Variants in PADI4 observed in about 807,000 individuals in gnomAD.
PADI4 encodes peptidyl arginine deiminase 4.
Under a neutral mutation model 75.0 loss-of-function variants are expected in PADI4, and 62 were observed. The observed-to-expected ratio is 0.83, with a 90% CI of 0.67 to 1.02. The LOEUF (loss-of-function observed/expected upper bound fraction) is 1.02, where lower values mean the gene tolerates loss of function less well. Among genes scored for constraint, PADI4 ranks in the 50% least tolerant of loss-of-function variants. PADI4 has a pLI of 0.00. For synonymous variants in PADI4, 361 were observed against 348.1 expected (o/e 1.04, Z -0.41); for missense variants, 845 against 850.5 (o/e 0.99, Z 0.08).
chr1:17,329,419 T>A (rs1297781830), intron 1 of PADI4, among the ~76,000 whole-genome samples: 1 of 152,086 alleles, frequency 6.6e-6, no homozygotes, highest in African/African-American at 2.4e-5. Context: ...ACCAGTAACA[T>A]AAACAGTTGA....
At chr1:17,334,456 C>T (rs887770504) in intron 3 of PADI4, 21 of 449,608 alleles carry the variant, frequency 4.7e-5, no homozygotes, top group African/African-American at 4.2e-4. Flanking sequence ...GCGCTTGCCA[C>T]CACGCCTGGC....
intron 1 of PADI4, among the ~76,000 whole-genome samples, chr1:17,318,681 AT>A (rs1332668301): frequency 0.013 from 1,701 of 133,130 alleles, 39 homozygotes; most frequent in African/African-American, 0.044. Flanking sequence ...TGGCATGCTG[AT>A]TTTTTTTCTT....
intron 8 of PADI4, among the ~76,000 whole-genome samples, chr1:17,343,611 G>A (rs779866143): frequency 4.6e-5 from 7 of 152,270 alleles, no homozygotes; most frequent in Admixed American, 6.5e-5. Flanking sequence ...CAATTCCCAC[G>A]TGTTCTGGGA....
intron 1 of PADI4, among the ~76,000 whole-genome samples, chr1:17,326,157 T>C (rs2074114576): frequency 6.6e-6 from 1 of 152,228 alleles, no homozygotes; most frequent in African/African-American, 2.4e-5. Flanking sequence ...CCTAATATTT[T>C]TTCTCTTGAT....
rs2073711702 is a variant in PADI4 at position 17,308,435 on chromosome 1, C to T, written c.92+121C>T. ...TAGGCTCCAGCCTCTGCAGCCACTGCCAGGGGAGTAGCTGGAGAGAGAAGA... is the reference window on the plus strand; with the variant it reads ...TAGGCTCCAGCCTCTGCAGCCACTGTCAGGGGAGTAGCTGGAGAGAGAAGA... On this transcript the variant is annotated intron_variant, in intron 1 of 15. Coordinates refer to ENST00000375448, the MANE Select transcript of PADI4 (RefSeq NM_012387.3). 11 of 735,646 alleles carry T rather than the reference C, an allele frequency of 1.5e-5. No individual in the cohort carries two copies. The Admixed American group carries it at 2.5e-4, about 17-fold the overall frequency. 45.6% of individuals were successfully genotyped at this position (735,646 alleles called of 1,614,324 possible).
rs143898107 is a variant in PADI4, at chr1:17,320,517, A to G, written c.93-10452A>G. Among the ~76,000 whole-genome samples the G allele has an allele frequency of 5.5e-3, 840 of 152,328 alleles. 10 individuals carry two copies. The highest frequency in any genetic ancestry group is 0.019 in the African/African-American group (804 of 41,568). On this transcript the variant is annotated intron_variant, in intron 1 of 15. Coordinates refer to ENST00000375448, the MANE Select transcript of PADI4 (RefSeq NM_012387.3). Reference sequence around the variant, plus strand: ...GATTATTCATGAGTTTTCAGGGTAAAGGGTGGGCAATTCCCTGAACTGAGG... The same window carrying G: ...GATTATTCATGAGTTTTCAGGGTAAGGGGTGGGCAATTCCCTGAACTGAGG...
chr1:17,310,728 A>C (rs1382341483), intron 1 of PADI4, among the ~76,000 whole-genome samples: 1 of 152,224 alleles, frequency 6.6e-6, no homozygotes, highest in Non-Finnish European at 1.5e-5. Flanking sequence ...TGAGAGGCCA[A>C]GATGGGCAAA....
chr1:17,343,812 G>A (rs1182348871), intron 8 of PADI4, among the ~76,000 whole-genome samples: 1 of 152,144 alleles, frequency 6.6e-6, no homozygotes, highest in Non-Finnish European at 1.5e-5. Flanking sequence ...CAGCCATGTG[G>A]GAGTGTAAGT....
At position 17,353,590 on chromosome 1, in the gene PADI4, G is replaced by A. The variant is rs1221256205; in HGVS notation, c.1156-943G>A. On this transcript the variant is annotated intron_variant, in intron 10 of 15. Coordinates refer to ENST00000375448, the MANE Select transcript of PADI4 (RefSeq NM_012387.3). ...GATGTACCCTCTCCTGGGAGGCAGG[G>A]GAGATGGGCGGTGGACTGAATAATG... Among the ~76,000 whole-genome samples, 6 of 152,230 alleles carry A rather than the reference G, an allele frequency of 3.9e-5. No homozygotes were observed. The East Asian group carries it at 9.7e-4, about 25-fold the overall frequency.
At chr1:17,314,490 C>A (rs1005673038) in intron 1 of PADI4, among the ~76,000 whole-genome samples, 1 of 152,214 alleles carries the variant, frequency 6.6e-6, no homozygotes. Context: ...GAACTGCCCC[C>A]TGGGCTGAGC....
At chr1:17,309,645 G>C (rs1000604070) in intron 1 of PADI4, among the ~76,000 whole-genome samples, 2 of 152,308 alleles carry the variant, frequency 1.3e-5, no homozygotes, top group Non-Finnish European at 2.9e-5. Flanking sequence ...TCTGGGCATC[G>C]GTGGCCCTAG....
At chr1:17,358,812 C>G in intron 13 of PADI4, 26 bp from the exon 14 acceptor site, 1 of 1,521,656 alleles carries the variant, frequency 6.6e-7, no homozygotes, top group South Asian at 1.2e-5. Flanking sequence ...GTTCATTTGC[C>G]TTTTTTTTCT....
chr1:17,352,019 G>A (rs79175896), intron 10 of PADI4, among the ~76,000 whole-genome samples: 1,831 of 14,508 alleles, frequency 0.13, 174 homozygotes, highest in Admixed American at 0.14. Flanking sequence ...GAGGAGAGGC[G>A]GCCAGGGAGG....
intron 1 of PADI4, among the ~76,000 whole-genome samples, chr1:17,318,737 G>C (rs1557541655): frequency 6.7e-6 from 1 of 149,680 alleles, no homozygotes; most frequent in Admixed American, 6.7e-5. Flanking sequence ...CCAGGCTGGA[G>C]TGCAGTGGCG....
chr1:17,352,546 G>C (rs1392779211), intron 10 of PADI4, among the ~76,000 whole-genome samples: 1 of 152,108 alleles, frequency 6.6e-6, no homozygotes, highest in Non-Finnish European at 1.5e-5. Context: ...GGCCAGAGGA[G>C]GTGAGAAGCC....
chr1:17,329,720 A>G (rs2074176732), intron 1 of PADI4, among the ~76,000 whole-genome samples: 1 of 152,224 alleles, frequency 6.6e-6, no homozygotes, highest in Non-Finnish European at 1.5e-5. Flanking sequence ...GAAATACTAT[A>G]AAGAGATGAC....
intron 1 of PADI4, among the ~76,000 whole-genome samples, chr1:17,320,223 C>T (rs752740190): frequency 2.0e-5 from 3 of 152,102 alleles, no homozygotes; most frequent in Non-Finnish European, 4.4e-5. Flanking sequence ...TCTCTGCTGC[C>T]ATCACCACAG....
intron 8 of PADI4, among the ~76,000 whole-genome samples, chr1:17,342,712 C>T (rs1351954088): frequency 1.3e-5 from 2 of 152,166 alleles, no homozygotes; most frequent in Non-Finnish European, 2.9e-5. Flanking sequence ...CGGTGGCTCA[C>T]GCCTGTAATC....
At chr1:17,362,158 G>A (rs1365433288) in intron 15 of PADI4, among the ~76,000 whole-genome samples, 1 of 151,976 alleles carries the variant, frequency 6.6e-6, no homozygotes, top group African/African-American at 2.4e-5. Context: ...TGGGAGGATT[G>A]CTTGAGTCCA....
Sources: gnomAD v4.1 joint callset for allele counts (sites outside exome capture counted in the v4.1 genomes callset) on GRCh38, gnomAD v4.1.1 for gene constraint, MANE v1.5 for transcripts, NCBI Gene and HGNC (gene_info 2026-07-23, HGNC 2026-07-21) for gene names.